NCALD: variants seen among roughly 807,000 people sequenced by gnomAD.
The protein encoded by NCALD is neurocalcin delta.
Under a neutral mutation model 18.6 loss-of-function variants are expected in NCALD, and 10 were observed. That is an observed-to-expected ratio of 0.54 (90% confidence interval 0.33 to 0.91). The LOEUF is 0.91. NCALD is among the 40% of genes least tolerant of loss of function. NCALD has a pLI of 0.03. For missense variants in NCALD, 184 were observed against 247.6 expected, an observed-to-expected ratio of 0.74 and a Z score of 1.72; for synonymous variants, 88 against 87.4, an observed-to-expected ratio of 1.01 and a Z score of -0.04.
chr8:101,802,773 T>C (rs911684544), intron 4 of NCALD, among the ~76,000 whole-genome samples: 2 of 151,754 alleles, frequency 1.3e-5, no homozygotes, highest in Non-Finnish European at 2.9e-5. Flanking sequence ...CAAAGGTTCA[T>C]GAAGTTTAAG....
Position 102,022,127 on chromosome 8 carries a change from T to C in NCALD, c.-209-1838A>G, listed in dbSNP as rs190963836. Among the ~76,000 whole-genome samples the C allele has an allele frequency of 3.4e-4, 51 of 152,232 alleles. 1 individual carries two copies. Among genetic ancestry groups the C allele is most frequent in the African/African-American group, 1.0e-3 (42 of 41,548 alleles). On this transcript the variant is annotated intron_variant, in intron 1 of 6. Transcript: ENST00000311028. ...GAGGTGGTGATGCAGGTGCCTCCCATTGGCCAAATCCAAATAGAAACCAGA... is the reference window on the plus strand; with the variant it reads ...GAGGTGGTGATGCAGGTGCCTCCCACTGGCCAAATCCAAATAGAAACCAGA...
In NCALD at chr8:101,942,416, T is replaced by C. The variant is rs571844186; in HGVS notation, c.-156-26558A>G. Among the ~76,000 whole-genome samples the C allele has an allele frequency of 3.9e-5, 6 of 152,294 alleles. No homozygotes were observed. The South Asian group carries it at 1.0e-3, about 26-fold the overall frequency. ...TGCCTGTGAAGAGATCACAGTCCAA[T>C]AGAGAAAACAGAATCCAAACAATGA... On this transcript the variant is annotated intron_variant, in intron 2 of 6. Coordinates refer to the NCALD transcript ENST00000311028.
At chr8:101,785,975 T>C (rs899060694) in intron 1 of NCALD, 4 of 152,202 alleles carry the variant, frequency 2.6e-5, no homozygotes, top group African/African-American at 9.6e-5. Flanking sequence ...CCCAGGTTGT[T>C]TGTCTGTTTT....
At chr8:101,810,494 C>T (rs1813266562) in intron 4 of NCALD, among the ~76,000 whole-genome samples, 1 of 152,068 alleles carries the variant, frequency 6.6e-6, no homozygotes, top group African/African-American at 2.4e-5. Flanking sequence ...TTTCTGCTTC[C>T]ACTCAATTCC....
chr8:102,006,670 A>G (rs1821725258), intron 2 of NCALD, among the ~76,000 whole-genome samples: 3 of 152,218 alleles, frequency 2.0e-5, no homozygotes. Flanking sequence ...TGGTTCTGAC[A>G]GAAGCTGGTT....
intron 1 of NCALD, among the ~76,000 whole-genome samples, chr8:102,062,221 T>G (rs1028334728): frequency 6.6e-6 from 1 of 152,198 alleles, no homozygotes; most frequent in African/African-American, 2.4e-5. Context: ...GAAGATCCCT[T>G]GAGTCCAGGA....
intron 4 of NCALD, among the ~76,000 whole-genome samples, chr8:101,812,663 T>C (rs1429547053): frequency 6.6e-6 from 1 of 152,168 alleles, no homozygotes; most frequent in Non-Finnish European, 1.5e-5. Context: ...GTATGACCCA[T>C]GAAGTCTGTC....
At chr8:101,796,310 C>T (rs1311145593) in intron 4 of NCALD, among the ~76,000 whole-genome samples, 1 of 152,144 alleles carries the variant, frequency 6.6e-6, no homozygotes. Flanking sequence ...TCCCAAATCA[C>T]TAAGCATGCC....
rs1586991893 is a variant in NCALD at position 102,056,563 on chromosome 8, T to C, written c.-209-36274A>G. 3.3e-5 allele frequency among the ~76,000 whole-genome samples: 5 copies of C among 152,200 alleles called. No individual in the cohort carries two copies. In the South Asian group the frequency reaches 1.0e-3, roughly 31 times the overall value. On this transcript the variant is annotated intron_variant, in intron 1 of 6. Transcript: ENST00000311028. The stretch of plus-strand genomic sequence containing the variant: ...AGAGTCTCTCCATGGAGCTGGCTGG[T>C]CATGGTGAGGAGGCCAGGCTGTCCC...
In NCALD at chr8:101,689,547, C is replaced by G; in HGVS notation, c.485-141G>C. 3.1e-6 allele frequency: 2 copies of G among 651,876 alleles called. No homozygotes were observed. Among genetic ancestry groups the G allele is most frequent in the East Asian group, 2.7e-5 (1 of 36,698 alleles). 40.4% of individuals were successfully genotyped at this position (651,876 alleles called of 1,614,324 possible). ...TGTGACACACAGCACTCACCTGTCC[C>G]GGGGAAGAGCCCAGTGGAATCTCCA... On this transcript the variant is annotated intron_variant, in intron 3 of 3. Transcript: ENST00000220931. The surrounding 1 kb of genome is among the most constrained non-coding windows in gnomAD (Gnocchi z 4.4).
At position 102,030,827 on chromosome 8, in the gene NCALD, G is replaced by A. The variant is rs1034292166; in HGVS notation, c.-209-10538C>T. ...CGAGGTGGAGGTTGTAGTGAGCCACGATCACACCACTGCACTCCAGCCTGG... is the reference window on the plus strand; with the variant it reads ...CGAGGTGGAGGTTGTAGTGAGCCACAATCACACCACTGCACTCCAGCCTGG... On this transcript the variant is annotated intron_variant, in intron 1 of 6. Transcript: ENST00000311028. Among the ~76,000 whole-genome samples the A allele has an allele frequency of 2.6e-5, 4 of 151,838 alleles. No individual in the cohort carries two copies. The East Asian group carries it at 5.8e-4, about 22-fold the overall frequency.
At chr8:101,808,609 T>C (rs954573487) in intron 4 of NCALD, among the ~76,000 whole-genome samples, 3 of 152,218 alleles carry the variant, frequency 2.0e-5, no homozygotes, top group African/African-American at 7.2e-5. Flanking sequence ...TAAATAGATA[T>C]GTCATGTGGT....
chr8:101,821,977 T>C (rs1022854533), intron 4 of NCALD, among the ~76,000 whole-genome samples: 1 of 151,950 alleles, frequency 6.6e-6, no homozygotes, highest in African/African-American at 2.4e-5. Flanking sequence ...AGAGGTCTCC[T>C]GGCTGTGGAG....
chr8:102,050,469 A>C (rs1823404283), intron 1 of NCALD, among the ~76,000 whole-genome samples: 1 of 150,928 alleles, frequency 6.6e-6, no homozygotes, highest in Admixed American at 6.6e-5. Context: ...GTTGTTATTT[A>C]CTATATGTAT....
At chr8:102,062,842 G>A (rs907551251) in intron 1 of NCALD, among the ~76,000 whole-genome samples, 3 of 152,104 alleles carry the variant, frequency 2.0e-5, no homozygotes, top group African/African-American at 7.2e-5. Flanking sequence ...TATCCCACTG[G>A]CCAAAGCAAG....
intron 1 of NCALD, among the ~76,000 whole-genome samples, chr8:102,114,639 C>G (rs1182253109): frequency 6.6e-6 from 1 of 152,240 alleles, no homozygotes; most frequent in Non-Finnish European, 1.5e-5. Flanking sequence ...CAAGCTGCAG[C>G]TTGCAACCCA....
At chr8:101,711,139 C>T (rs114024414) in intron 2 of NCALD, among the ~76,000 whole-genome samples, 3,921 of 152,196 alleles carry the variant, frequency 0.026, 128 homozygotes, top group African/African-American at 0.077. Flanking sequence ...CTAGAGAGAA[C>T]CCCCAGCAAA....
At chr8:102,049,698 C>T (rs978639697) in intron 1 of NCALD, among the ~76,000 whole-genome samples, 3 of 152,192 alleles carry the variant, frequency 2.0e-5, no homozygotes, top group Non-Finnish European at 4.4e-5. Flanking sequence ...TCCTCACCAG[C>T]ATTTGGTTGG....
chr8:102,099,349 G>A (rs1825201698), intron 1 of NCALD, among the ~76,000 whole-genome samples: 1 of 152,302 alleles, frequency 6.6e-6, no homozygotes, highest in South Asian at 2.1e-4. Flanking sequence ...TGGGGAGCAG[G>A]TGGAAAAGAA....
Sources: allele counts gnomAD v4.1 joint callset (sites outside exome capture counted in the v4.1 genomes callset), GRCh38; gene constraint gnomAD v4.1.1; non-coding constraint Gnocchi (gnomAD v3.1); transcripts MANE v1.5; gene names NCBI Gene and HGNC (gene_info 2026-07-23, HGNC 2026-07-21).